TRPM8: variants seen among roughly 807,000 people sequenced by gnomAD.
The protein encoded by TRPM8 is transient receptor potential cation channel subfamily M member 8.
TRPM8 carries 110 observed loss-of-function variants against 133.7 expected under a neutral mutation model. The observed-to-expected ratio is 0.82, with a 90% CI of 0.70 to 0.96. The LOEUF (loss-of-function observed/expected upper bound fraction) is 0.96, where lower values mean the gene tolerates loss of function less well. Among genes scored for constraint, TRPM8 ranks in the 40% least tolerant of loss-of-function variants. The pLI, the probability that TRPM8 is intolerant of heterozygous loss-of-function variation, is 0.00. For synonymous variants in TRPM8, 535 were observed against 532.3 expected (o/e 1.01, Z -0.07); for missense variants, 1,291 against 1,379.5 (o/e 0.94, Z 1.02).
At position 233,964,718 on chromosome 2, in the gene TRPM8, T is replaced by A; in HGVS notation, c.1840T>A (p.Ser614Thr). 1 of 1,611,654 alleles carries A rather than the reference T, an allele frequency of 6.2e-7. No homozygotes were observed. Among genetic ancestry groups the A allele is most frequent in the Non-Finnish European group, 8.5e-7 (1 of 1,178,708 alleles). Residue 614 changes from serine (S) to threonine (T), a missense_variant, in exon 14 of 26, where the codon TCC becomes ACC. Ser to Thr is a moderately conservative substitution (Grantham distance 58). Coordinates refer to ENST00000324695, the MANE Select transcript of TRPM8 (RefSeq NM_024080.5). ...VKNDINAAGE[S>T]EELANEYETR... The stretch of plus-strand genomic sequence containing the variant: ...GAACGACATCAATGCTGCTGGGGAG[T>A]CCGAGGAGCTGGCTAATGAGTACGA...
intron 21 of TRPM8, among the ~76,000 whole-genome samples, chr2:233,988,618 G>A (rs919299064): frequency 5.3e-5 from 8 of 152,190 alleles, no homozygotes; most frequent in Non-Finnish European, 2.9e-5. Flanking sequence ...TCATGTAAAG[G>A]TTTAACATCT....
intron 24 of TRPM8, among the ~76,000 whole-genome samples, chr2:234,008,810 A>G (rs1165757121): frequency 6.6e-6 from 1 of 152,202 alleles, no homozygotes; most frequent in Non-Finnish European, 1.5e-5. Flanking sequence ...GCCTTAATAA[A>G]TGTTTATTGA....
At chr2:234,007,089 G>A (rs751245725) in intron 23 of TRPM8, 137 bp downstream of exon 23, 8 of 615,294 alleles carry the variant, frequency 1.3e-5, no homozygotes, top group Admixed American at 2.9e-5. Context: ...GATATTACCC[G>A]GGCAATTGAA....
At chr2:233,935,277 T>C (rs1001704011) in intron 3 of TRPM8, among the ~76,000 whole-genome samples, 1 of 152,252 alleles carries the variant, frequency 6.6e-6, no homozygotes, top group Non-Finnish European at 1.5e-5. Context: ...TGGTTCAGCC[T>C]GTGCAGGGGA....
At chr2:233,996,567 A>G in intron 22 of TRPM8, 51 bp downstream of exon 22, 1 of 1,521,630 alleles carries the variant, frequency 6.6e-7, no homozygotes, top group Non-Finnish European at 9.1e-7. Flanking sequence ...GATTAATTTC[A>G]GGGAAGGATG....
At chr2:233,918,740 G>C (rs568504980) in intron 1 of TRPM8, among the ~76,000 whole-genome samples, 1 of 152,276 alleles carries the variant, frequency 6.6e-6, no homozygotes, top group South Asian at 2.1e-4. Context: ...CTCTCCTGGT[G>C]GTGACTGAGA....
chr2:233,982,034 C>T (rs1213306477), intron 19 of TRPM8, 119 bp downstream of exon 19: 10 of 1,155,924 alleles, frequency 8.7e-6, no homozygotes, highest in Middle Eastern at 2.0e-4. Context: ...CAGTAACATT[C>T]GCTTTCTTTG....
intron 2 of TRPM8, among the ~76,000 whole-genome samples, chr2:233,928,201 C>A (rs528959535): frequency 1.3e-5 from 2 of 151,936 alleles, no homozygotes; most frequent in South Asian, 4.2e-4. Context: ...GATCTCCTGA[C>A]CTCGTGAGCC....
intron 24 of TRPM8, 69 bp downstream of exon 24, chr2:234,008,172 A>C: frequency 6.9e-7 from 1 of 1,445,278 alleles, no homozygotes; most frequent in Non-Finnish European, 9.4e-7. Context: ...TTTCAGCTAG[A>C]GGCCAGTAGT....
Position 233,967,098 on chromosome 2 carries a change from C to T in TRPM8, c.2025+343C>T, listed in dbSNP as rs138104864. 3.7e-4 allele frequency among the ~76,000 whole-genome samples: 57 copies of T among 152,234 alleles called. No individual in the cohort carries two copies. The East Asian group carries it at 8.7e-3, about 23-fold the overall frequency. On this transcript the variant is annotated intron_variant, in intron 15 of 25. Transcript: ENST00000324695. ...GATGGGCCAAGTTACATGAGCTCTC[C>T]GAGTATTAGTTTCCTCATCTACAAA...
At chr2:233,997,818 G>T (rs1486406622) in intron 22 of TRPM8, among the ~76,000 whole-genome samples, 1 of 151,996 alleles carries the variant, frequency 6.6e-6, no homozygotes, top group African/African-American at 2.4e-5. Flanking sequence ...TACAAACTGG[G>T]GTGCAGGCTG....
At position 233,961,051 on chromosome 2, in the gene TRPM8, G is replaced by A. The variant is rs1221299573; in HGVS notation, c.1638G>A (p.Met546Ile). Residue 546 changes from methionine (M) to isoleucine (I), a missense_variant, in exon 12 of 26, where the codon ATG (methionine) becomes ATA (isoleucine). By Grantham distance (10) the Met-to-Ile change is conservative. Around this residue, in one of 2 missense-constraint regions of TRPM8, gnomAD observed 963 missense variants for 968.9 expected, o/e 0.99. Transcript: ENST00000324695. The stretch of plus-strand genomic sequence containing the variant: ...AAGACAGAAATGGCCGGGACGAGAT[G>A]GACATAGAACTCCACGTAGGTACTG... ...RKEDRNGRDE[M>I]DIELHDVSPI... 5 of 1,613,926 alleles carry A rather than the reference G, an allele frequency of 3.1e-6. No homozygotes were observed. The highest frequency in any genetic ancestry group is 4.2e-6 in the Non-Finnish European group (5 of 1,180,012).
intron 20 of TRPM8, 32 bp from the exon 21 acceptor site, chr2:233,985,656 C>T (rs1278570954): frequency 6.2e-7 from 1 of 1,606,188 alleles, no homozygotes; most frequent in Non-Finnish European, 8.5e-7. Flanking sequence ...CCAGAGGGTC[C>T]TCACTTTGCC....
At chr2:233,921,677 C>CTTTTTTTTTTTTTTTTTTTTTTTT (rs11373529) in intron 1 of TRPM8, among the ~76,000 whole-genome samples, 19 of 106,652 alleles carry the variant, frequency 1.8e-4, no homozygotes, top group South Asian at 3.1e-4. Flanking sequence ...CTTTTCTTTT[C>CTTTTTTTTTTTTTTTTTTTTTTTT]TTTTTTTTTT....
In TRPM8 at chr2:233,970,238, C is replaced by G. The variant is rs1357531821; in HGVS notation, c.2167C>G (p.Leu723Val). 2 of 1,614,082 alleles carry G rather than the reference C, an allele frequency of 1.2e-6. No homozygotes were observed. Among genetic ancestry groups the G allele is most frequent in the Admixed American group, 3.3e-5 (2 of 60,004 alleles). Residue 723 changes from leucine to valine, a missense_variant, in exon 17 of 26, where the codon CTG (leucine) becomes GTG (valine). Around this residue, in one of 2 missense-constraint regions of TRPM8, gnomAD observed 963 missense variants for 968.9 expected, o/e 0.99. Transcript: ENST00000324695. ...RKKPVDKHKK[L>V]LWYYVAFFTS... ...GAAACCTGTCGACAAGCACAAGAAGCTGCTTTGGTACTATGTGGCGTTCTT... is the reference window on the plus strand; with the variant it reads ...GAAACCTGTCGACAAGCACAAGAAGGTGCTTTGGTACTATGTGGCGTTCTT...
In TRPM8 at chr2:233,952,347, T is replaced by A. The variant is rs575420016; in HGVS notation, c.1141-1570T>A. Among the ~76,000 whole-genome samples the A allele has an allele frequency of 2.6e-5, 4 of 152,206 alleles. No homozygotes were observed. In the East Asian group the frequency reaches 5.8e-4, roughly 22 times the overall value. ...GTGTTTGGAAGAAAGGTAACATGGA[T>A]ACAAAAAGGCAGGTGCCGAGGGAGC... On this transcript the variant is annotated intron_variant, in intron 9 of 25. Transcript: ENST00000324695.
At chr2:233,993,933 T>C (rs1384149878) in intron 21 of TRPM8, among the ~76,000 whole-genome samples, 1 of 152,186 alleles carries the variant, frequency 6.6e-6, no homozygotes, top group Non-Finnish European at 1.5e-5. Flanking sequence ...GTATAATCCA[T>C]TTTTTGACTA....
intron 25 of TRPM8, among the ~76,000 whole-genome samples, chr2:234,016,803 A>G (rs1692967213): frequency 6.6e-6 from 1 of 152,096 alleles, no homozygotes; most frequent in Non-Finnish European, 1.5e-5. Context: ...AATAGACCTT[A>G]CTTTAAGGAA....
At chr2:234,004,490 T>C (rs1692644503) in intron 22 of TRPM8, among the ~76,000 whole-genome samples, 1 of 152,214 alleles carries the variant, frequency 6.6e-6, no homozygotes, top group African/African-American at 2.4e-5. Flanking sequence ...TGCCTCCAAA[T>C]GGTGGTGACG....
Sources: allele counts gnomAD v4.1 joint callset (sites outside exome capture counted in the v4.1 genomes callset), GRCh38; gene constraint gnomAD v4.1.1; regional missense constraint gnomAD v4.1.1; transcripts MANE v1.5; gene names NCBI Gene and HGNC (gene_info 2026-07-23, HGNC 2026-07-21).